The following DENND4C variants were observed in gnomAD, a reference collection of about 807,000 sequenced individuals.
The protein encoded by DENND4C is DENN domain containing 4C.
A neutral mutation model predicts 203.0 loss-of-function variants in DENND4C; 108 were observed. The ratio of observed to expected loss-of-function variants is 0.53; its 90% CI spans 0.46 to 0.62. DENND4C has a LOEUF of 0.62. Among genes scored for constraint, DENND4C ranks in the 20% least tolerant of loss-of-function variants. The pLI is 0.00. For missense variants in DENND4C, 2,481 were observed against 2,301.2 expected (o/e 1.08, Z -1.60); for synonymous variants, 871 against 792.4 (o/e 1.10, Z -1.67).
chr9:19,329,386 T>A (rs1818578343), intron 16 of DENND4C, among the ~76,000 whole-genome samples: 1 of 152,234 alleles, frequency 6.6e-6, no homozygotes, highest in South Asian at 2.1e-4. Context: ...GCAGCATATA[T>A]CAGTAATAAT....
In DENND4C at chr9:19,372,209, G is replaced by A. The variant is rs1828970395; in HGVS notation, c.*36G>A. The A allele has an allele frequency of 1.3e-6, 2 of 1,581,284 alleles. No homozygotes were observed. Among genetic ancestry groups the A allele is most frequent in the Non-Finnish European group, 1.7e-6 (2 of 1,165,110 alleles). On this transcript the variant is annotated 3_prime_UTR_variant, in exon 33 of 33. Transcript: ENST00000434457. ...ACTAGAATGTTGACACACAAGGCTT[G>A]GGGATTAGATTTCATCTGGAAACAT...
intron 9 of DENND4C, among the ~76,000 whole-genome samples, chr9:19,303,331 G>A (rs1838980451): frequency 6.6e-6 from 1 of 152,080 alleles, no homozygotes; most frequent in East Asian, 1.9e-4. Flanking sequence ...TGCTAGACAA[G>A]GTGTTTGCAA....
intron 24 of DENND4C, among the ~76,000 whole-genome samples, chr9:19,351,582 G>A (rs527327260): frequency 1.3e-5 from 2 of 152,158 alleles, no homozygotes; most frequent in East Asian, 1.9e-4. Flanking sequence ...CAAGGCGGGT[G>A]GATTGCCTGA....
At chr9:19,278,615 G>T (rs1564112902) in intron 2 of DENND4C, among the ~76,000 whole-genome samples, 1 of 152,132 alleles carries the variant, frequency 6.6e-6, no homozygotes, top group Non-Finnish European at 1.5e-5. Flanking sequence ...AGAGAAAAAA[G>T]TTTAAAAAGT....
Position 19,328,120 on chromosome 9 carries a change from C to T in DENND4C, c.2211C>T (p.Ser737=), listed in dbSNP as rs761922608. 1 of 1,613,386 alleles carries T rather than the reference C, an allele frequency of 6.2e-7. No individual in the cohort carries two copies. The highest frequency in any genetic ancestry group is 1.1e-5 in the South Asian group (1 of 91,008). The stretch of plus-strand genomic sequence containing the variant: ...TTAGTAGACACCCTACTGGGAATAG[C>T]ATTACAAAGAGTCCACCTCTCATGG... ...LCFSRHPTGN[S]ITKSPPLMAK... Residue 737 remains serine, a synonymous_variant, in exon 16 of 33, where the codon AGC becomes AGT. Transcript: ENST00000434457.
intron 1 of DENND4C, among the ~76,000 whole-genome samples, 164 bp downstream of exon 1, chr9:19,230,997 C>T (rs1351510669): frequency 6.6e-6 from 1 of 152,218 alleles, no homozygotes; most frequent in Non-Finnish European, 1.5e-5. Flanking sequence ...GTGGCCGCGG[C>T]TGGCGTTCGT....
At chr9:19,230,665 G>C (rs924605841), upstream of DENND4C, 44 of 152,272 alleles carry the variant, frequency 2.9e-4, no homozygotes, top group African/African-American at 9.4e-4. Flanking sequence ...GCCCCTCGGA[G>C]ACCCTGCCCG....
At chr9:19,325,340 CCTAA>C (rs1337675755) in intron 13 of DENND4C, among the ~76,000 whole-genome samples, 12 of 152,020 alleles carry the variant, frequency 7.9e-5, no homozygotes, top group African/African-American at 2.9e-4. Context: ...TATAATTTTT[CCTAA>C]CTTTTAATAT....
At chr9:19,258,504 G>C (rs1445037934) in intron 1 of DENND4C, among the ~76,000 whole-genome samples, 2 of 152,160 alleles carry the variant, frequency 1.3e-5, no homozygotes, top group Non-Finnish European at 1.5e-5. Context: ...CATGACCCAA[G>C]TGGGGTTTAT....
intron 24 of DENND4C, among the ~76,000 whole-genome samples, chr9:19,351,152 C>T (rs918322359): frequency 6.6e-6 from 1 of 152,066 alleles, no homozygotes; most frequent in African/African-American, 2.4e-5. Context: ...TAATACTAGC[C>T]GCCTTATGAT....
chr9:19,300,049 G>A lies in DENND4C; in HGVS notation c.1167-138G>A, dbSNP rs41269021. ...CCCCGTTATCTATCTTATTAAATTT[G>A]CTACTTTTCATTGATAAATAAGTAA... is the stretch of plus-strand genomic sequence containing the variant. On this transcript the variant is annotated intron_variant, in intron 8 of 32. Transcript: ENST00000434457. 1,936 of 810,874 alleles carry A rather than the reference G, an allele frequency of 2.4e-3. 3 individuals are homozygous for A. The highest frequency in any genetic ancestry group is 3.2e-3 in the Middle Eastern group (8 of 2,478). The allele number at this position is 810,874 out of a possible 1,614,324, so 50.2% of individuals were successfully genotyped here. A position where few individuals can be genotyped will look rare whatever the true frequency, so the allele number is the denominator to read the frequency against.
At chr9:19,353,250 G>A (rs1824586682) in intron 26 of DENND4C, among the ~76,000 whole-genome samples, 1 of 152,166 alleles carries the variant, frequency 6.6e-6, no homozygotes, top group Non-Finnish European at 1.5e-5. Flanking sequence ...TGGTGACTCT[G>A]TGCTGACCTA....
At chr9:19,342,518 AAATAGAC>A in intron 21 of DENND4C, 108 bp from the exon 22 acceptor site, 1 of 1,132,342 alleles carries the variant, frequency 8.8e-7, no homozygotes, top group Non-Finnish European at 1.2e-6. Flanking sequence ...GTCTAAAGTA[AAATAGAC>A]ACACTGACTG....
chr9:19,363,556 T>G (rs1377337356), intron 30 of DENND4C, among the ~76,000 whole-genome samples: 1 of 152,008 alleles, frequency 6.6e-6, no homozygotes, highest in Non-Finnish European at 1.5e-5. Context: ...CATGTAACCT[T>G]AATTATTTAT....
intron 1 of DENND4C, among the ~76,000 whole-genome samples, chr9:19,232,555 A>G (rs936001200): frequency 9.9e-5 from 15 of 152,204 alleles, no homozygotes; most frequent in African/African-American, 3.6e-4. Context: ...TATTGGAGTA[A>G]TTTAGTCCTG....
intron 20 of DENND4C, 66 bp from the exon 21 acceptor site, chr9:19,340,926 G>T: frequency 7.8e-7 from 1 of 1,289,290 alleles, no homozygotes; most frequent in Non-Finnish European, 1.0e-6. Context: ...ATTTTCTTGT[G>T]ATTTTTATAT....
At chr9:19,266,041 A>C (rs935510042) in intron 1 of DENND4C, among the ~76,000 whole-genome samples, 59 of 152,202 alleles carry the variant, frequency 3.9e-4, no homozygotes, top group East Asian at 1.9e-4. Flanking sequence ...ACTGTCTTCC[A>C]CAATGGTTGA....
intron 16 of DENND4C, 97 bp from the exon 17 acceptor site, chr9:19,331,880 CA>C (rs1563811492): frequency 1.7e-6 from 2 of 1,156,750 alleles, no homozygotes; most frequent in Non-Finnish European, 2.4e-6. Context: ...TTTAGGGGGT[CA>C]AGTTTTACTT....
intron 1 of DENND4C, among the ~76,000 whole-genome samples, chr9:19,242,977 G>A (rs1306769455): frequency 6.6e-6 from 1 of 151,964 alleles, no homozygotes. Context: ...TTTAAAGTTA[G>A]CTTTATTGAG....
Sources: allele counts gnomAD v4.1 joint callset (sites outside exome capture counted in the v4.1 genomes callset), GRCh38; gene constraint gnomAD v4.1.1; transcripts MANE v1.5; gene names NCBI Gene and HGNC (gene_info 2026-07-23, HGNC 2026-07-21).